Variants in SLC35F1 observed in about 807,000 individuals in gnomAD.
The protein encoded by SLC35F1 is solute carrier family 35 member F1.
A neutral mutation model predicts 48.7 loss-of-function variants in SLC35F1; 14 were observed. The observed-to-expected ratio is 0.29, with a 90% CI of 0.19 to 0.45. SLC35F1 has a LOEUF of 0.45. SLC35F1 is among the 20% of genes least tolerant of loss of function. The pLI is 1.00. For synonymous variants in SLC35F1, 190 were observed against 202.2 expected, an observed-to-expected ratio of 0.94 and a Z score of 0.51; for missense variants, 404 against 500.0, an observed-to-expected ratio of 0.81 and a Z score of 1.83.
intron 1 of SLC35F1, among the ~76,000 whole-genome samples, chr6:117,921,140 G>A (rs908327678): frequency 2.0e-5 from 3 of 151,672 alleles, no homozygotes; most frequent in Non-Finnish European, 1.5e-5. Flanking sequence ...ATTGATGATA[G>A]CCCCCCAACT....
intron 1 of SLC35F1, among the ~76,000 whole-genome samples, chr6:118,037,205 TATCTTTTTATTTAA>T (rs1461801698): frequency 4.6e-5 from 7 of 152,208 alleles, no homozygotes; most frequent in African/African-American, 1.4e-4. Context: ...ATTTAAAGTG[TATCTTTTTATTTAA>T]ATCTTTTTAT....
chr6:118,028,667 A>G (rs1313543816), intron 1 of SLC35F1, among the ~76,000 whole-genome samples: 2 of 152,142 alleles, frequency 1.3e-5, no homozygotes, highest in Non-Finnish European at 2.9e-5. Flanking sequence ...ATAACACTAA[A>G]TGATGAGAAT....
In SLC35F1 at chr6:118,235,504, C is replaced by T. The variant is rs773761917; in HGVS notation, c.350-5C>T. ...AACCCATTTCTTCTTAACTTTGTAA[C>T]ACAGGAGAAGAAAACCTCCTGGCAA... On this transcript the variant is annotated splice_region_variant and splice_polypyrimidine_tract_variant and intron_variant, in intron 2 of 7. Coordinates refer to ENST00000360388, the MANE Select transcript of SLC35F1 (RefSeq NM_001029858.4). 2.5e-6 allele frequency: 4 copies of T among 1,612,132 alleles called. No homozygotes were observed. The South Asian group carries it at 4.4e-5, about 18-fold the overall frequency.
chr6:118,020,093 A>T (rs760326872), intron 1 of SLC35F1, among the ~76,000 whole-genome samples: 1 of 152,162 alleles, frequency 6.6e-6, no homozygotes, highest in Non-Finnish European at 1.5e-5. Flanking sequence ...ACCCTTTATT[A>T]TCATGGAACT....
chr6:118,065,192 G>A (rs1772595107), intron 1 of SLC35F1, among the ~76,000 whole-genome samples: 1 of 152,168 alleles, frequency 6.6e-6, no homozygotes, highest in African/African-American at 2.4e-5. Flanking sequence ...GGTAGGCTGA[G>A]TGGAGAAAAA....
At chr6:118,073,022 T>C (rs1334132109) in intron 1 of SLC35F1, among the ~76,000 whole-genome samples, 2 of 152,192 alleles carry the variant, frequency 1.3e-5, no homozygotes, top group Non-Finnish European at 2.9e-5. Context: ...CAATTTCTGT[T>C]CTGGAAATTT....
intron 1 of SLC35F1, among the ~76,000 whole-genome samples, chr6:117,983,466 A>T (rs889984055): frequency 2.6e-5 from 4 of 152,084 alleles, no homozygotes; most frequent in South Asian, 2.1e-4. Context: ...AATCCCAGCT[A>T]CTCAGGAGGC....
At chr6:118,185,155 G>A (rs555075611) in intron 2 of SLC35F1, among the ~76,000 whole-genome samples, 11 of 152,256 alleles carry the variant, frequency 7.2e-5, no homozygotes, top group Non-Finnish European at 1.3e-4. Context: ...TCTGAGACCC[G>A]TGTTTCCCCA....
chr6:118,264,105 A>T (rs930925381), intron 3 of SLC35F1, among the ~76,000 whole-genome samples: 16 of 152,240 alleles, frequency 1.1e-4, no homozygotes, highest in African/African-American at 3.9e-4. Context: ...GGTCTTGGTG[A>T]TTCTAAACTG....
At chr6:118,291,280 CACACAT>C (rs1209223755) in intron 7 of SLC35F1, among the ~76,000 whole-genome samples, 4 of 118,654 alleles carry the variant, frequency 3.4e-5, no homozygotes, top group Admixed American at 3.2e-4. Context: ...CACACACACA[CACACAT>C]ATATAATAAC....
rs555242887 is a variant in SLC35F1 at position 118,046,949 on chromosome 6, G to A, written c.174-107496G>A. Among the ~76,000 whole-genome samples, 118 of 42,738 alleles carry A rather than the reference G, an allele frequency of 2.8e-3. 1 individual carries two copies. In the South Asian group the frequency reaches 0.12, roughly 44 times the overall value. The allele number at this position is 42,738 out of a possible 152,430, so 28.0% of individuals were successfully genotyped here. The stretch of plus-strand genomic sequence containing the variant: ...TATCCACAGTTTTCAATTACTGATA[G>A]ATTTTTGAGATATAAAAAAATCATA... On this transcript the variant is annotated intron_variant, in intron 1 of 7. Coordinates refer to ENST00000360388, the MANE Select transcript of SLC35F1 (RefSeq NM_001029858.4).
intron 1 of SLC35F1, among the ~76,000 whole-genome samples, chr6:117,923,646 C>CACATATACATATGTATATATACAT (rs1775943912): frequency 9.8e-6 from 1 of 102,012 alleles, no homozygotes; most frequent in African/African-American, 4.1e-5. Flanking sequence ...TACATATGTA[C>CACATATACATATGTATATATACAT]ATATGTACAT....
intron 1 of SLC35F1, among the ~76,000 whole-genome samples, chr6:118,116,935 T>TCATG: frequency 6.6e-6 from 1 of 152,334 alleles, no homozygotes; most frequent in East Asian, 1.9e-4. Flanking sequence ...ACATTTGCAC[T>TCATG]CATGTGTATC....
At chr6:118,183,596 G>C (rs541982689) in intron 2 of SLC35F1, among the ~76,000 whole-genome samples, 2 of 152,056 alleles carry the variant, frequency 1.3e-5, no homozygotes, top group Admixed American at 1.3e-4. Context: ...AATACTCAAT[G>C]GTGACCATCA....
chr6:118,076,662 T>C (rs993141280), intron 1 of SLC35F1, among the ~76,000 whole-genome samples: 4 of 152,314 alleles, frequency 2.6e-5, no homozygotes, highest in South Asian at 4.1e-4. Flanking sequence ...TTTGAACCCG[T>C]GTGGATTACA....
intron 2 of SLC35F1, among the ~76,000 whole-genome samples, chr6:118,225,487 T>G (rs1262242651): frequency 1.3e-5 from 2 of 152,318 alleles, no homozygotes; most frequent in East Asian, 3.9e-4. Context: ...TACAAAAATC[T>G]AATCAAAATG....
At chr6:118,188,509 C>T (rs1029876792) in intron 2 of SLC35F1, among the ~76,000 whole-genome samples, 26 of 150,744 alleles carry the variant, frequency 1.7e-4, no homozygotes, top group African/African-American at 6.1e-4. Context: ...AAGACCGTGC[C>T]GTTGTACTCC....
At chr6:117,917,587 G>T (rs1775842348) in intron 1 of SLC35F1, among the ~76,000 whole-genome samples, 1 of 152,018 alleles carries the variant, frequency 6.6e-6, no homozygotes, top group Non-Finnish European at 1.5e-5. Flanking sequence ...CAGTTTTTTG[G>T]GCTTGAGCAA....
chr6:118,157,471 T>G (rs1774162464), intron 2 of SLC35F1, among the ~76,000 whole-genome samples: 1 of 152,094 alleles, frequency 6.6e-6, no homozygotes, highest in Admixed American at 6.5e-5. Flanking sequence ...TATTGACTCA[T>G]GATCACAAGG....
Sources: allele counts gnomAD v4.1 joint callset (sites outside exome capture counted in the v4.1 genomes callset), GRCh38; gene constraint gnomAD v4.1.1; transcripts MANE v1.5; gene names NCBI Gene and HGNC (gene_info 2026-07-23, HGNC 2026-07-21).